DNAI1: variants seen among roughly 807,000 people sequenced by gnomAD.
DNAI1 encodes the protein dynein axonemal intermediate chain 1.
DNAI1 carries 67 observed loss-of-function variants against 92.0 expected under a neutral mutation model. The ratio of observed to expected loss-of-function variants is 0.73; its 90% confidence interval spans 0.60 to 0.89. The LOEUF is 0.89. Ranked by LOEUF, DNAI1 falls within the 40% of genes least tolerant of loss-of-function variation. The pLI is 0.00. For synonymous variants in DNAI1, 323 were observed against 319.6 expected (o/e 1.01, Z -0.11); for missense variants, 839 against 866.6 (o/e 0.97, Z 0.40).
At chr9:34,460,699 G>C (rs112272737) in intron 1 of DNAI1, among the ~76,000 whole-genome samples, 1 of 151,980 alleles carries the variant, frequency 6.6e-6, no homozygotes, top group South Asian at 2.1e-4. Flanking sequence ...TTTCACTCTT[G>C]TCACCCAGGG....
chr9:34,509,222 G>A (rs780285711), intron 13 of DNAI1, among the ~76,000 whole-genome samples: 2 of 152,140 alleles, frequency 1.3e-5, no homozygotes, highest in African/African-American at 4.8e-5. Context: ...CAACACCTGA[G>A]CTGGATTGTG....
chr9:34,500,872 CCT>C, intron 11 of DNAI1, 33 bp downstream of exon 11: 1 of 1,549,740 alleles, frequency 6.5e-7, no homozygotes, highest in Non-Finnish European at 8.9e-7. Context: ...ATGCAGAGCC[CCT>C]GAGTGCCCTC....
intron 6 of DNAI1, 32 bp downstream of exon 6, chr9:34,490,156 C>G: frequency 2.5e-6 from 4 of 1,613,654 alleles, no homozygotes; most frequent in Non-Finnish European, 3.4e-6. Context: ...TGTCCCTCTT[C>G]TTCCAGCTCA....
At chr9:34,482,728 G>C (rs1351574860) in intron 1 of DNAI1, among the ~76,000 whole-genome samples, 1 of 152,284 alleles carries the variant, frequency 6.6e-6, no homozygotes, top group African/African-American at 2.4e-5. Flanking sequence ...CGGGGCTGCA[G>C]GTGAAGCTGC....
intron 1 of DNAI1, among the ~76,000 whole-genome samples, chr9:34,469,616 C>T (rs1246437462): frequency 3.3e-5 from 5 of 152,086 alleles, no homozygotes; most frequent in South Asian, 2.1e-4. Context: ...CTTACTCTGT[C>T]GACCAGGCTG....
In DNAI1 at chr9:34,520,758, G is replaced by A; in HGVS notation, c.*2G>A. 1 of 1,551,616 alleles carries A rather than the reference G, an allele frequency of 6.4e-7. No homozygotes were observed. On this transcript the variant is annotated 3_prime_UTR_variant, in exon 20 of 20. Transcript: ENST00000242317. ...AGGGAAGTGAAAATCAAGACCTGAG[G>A]GGCTGGCCTCAGTCTCTGTCCCATC...
intron 15 of DNAI1, 80 bp downstream of exon 15, chr9:34,512,504 CCTGA>C: frequency 7.4e-7 from 1 of 1,356,912 alleles, no homozygotes; most frequent in Non-Finnish European, 1.0e-6. Flanking sequence ...TGGTCCTTCC[CCTGA>C]CTGAGTGCTC....
At chr9:34,469,109 C>G (rs1588088692) in intron 1 of DNAI1, among the ~76,000 whole-genome samples, 1 of 152,194 alleles carries the variant, frequency 6.6e-6, no homozygotes, top group East Asian at 1.9e-4. Context: ...ACATCTAGGT[C>G]TTTTATAGTC....
At chr9:34,515,271 G>A (rs562974178) in intron 18 of DNAI1, among the ~76,000 whole-genome samples, 1 of 152,194 alleles carries the variant, frequency 6.6e-6, no homozygotes, top group Non-Finnish European at 1.5e-5. Flanking sequence ...TATGGACTTT[G>A]ATATAAACTG....
At chr9:34,472,036 G>T (rs552082492) in intron 1 of DNAI1, among the ~76,000 whole-genome samples, 5 of 152,240 alleles carry the variant, frequency 3.3e-5, no homozygotes, top group African/African-American at 1.2e-4. Flanking sequence ...GATTTCTTGG[G>T]ATCTGGAAAA....
At chr9:34,464,768 T>C (rs1484136517) in intron 1 of DNAI1, among the ~76,000 whole-genome samples, 2 of 152,180 alleles carry the variant, frequency 1.3e-5, no homozygotes, top group Non-Finnish European at 2.9e-5. Flanking sequence ...TCAGAAGCTC[T>C]TGATGAATGT....
rs1363336764 is a variant in DNAI1 at position 34,506,799 on chromosome 9, C to G, written c.1236C>G (p.Asn412Lys). The G allele has an allele frequency of 3.1e-6, 5 of 1,614,170 alleles. No individual in the cohort carries two copies. Among genetic ancestry groups the G allele is most frequent in the Non-Finnish European group, 4.2e-6 (5 of 1,180,040 alleles). ...GHYDGNVAIY[N>K]LKKPHSQPSF... is the part of the protein sequence containing the mutation. Reference sequence around the variant, plus strand: ...ATGACGGCAACGTGGCCATTTACAACCTCAAGAAGCCCCACTCCCAGCCCT... The same window carrying G: ...ATGACGGCAACGTGGCCATTTACAAGCTCAAGAAGCCCCACTCCCAGCCCT... The change falls in exon 13 of 20, where the codon AAC (asparagine) becomes AAG (lysine). Residue 412 changes from asparagine (N) to lysine (K), a missense_variant. Transcript: ENST00000242317.
rs139875472 is a variant in DNAI1, at chr9:34,470,778, G to A, written c.48+11725G>A. ...TCAAGAACAGTAGAATGAAAACTAC[G>A]CCCAAGAACTGCAGAATTTTCACAA... On this transcript the variant is annotated intron_variant, in intron 1 of 19. Coordinates refer to ENST00000242317, the MANE Select transcript of DNAI1 (RefSeq NM_012144.4). 2.8e-3 allele frequency among the ~76,000 whole-genome samples: 429 copies of A among 152,230 alleles called. 1 individual carries two copies. Among genetic ancestry groups the A allele is most frequent in the Middle Eastern group, 0.01 (3 of 294 alleles).
At chr9:34,478,798 A>G (rs1021273386) in intron 1 of DNAI1, 4 of 152,252 alleles carry the variant, frequency 2.6e-5, no homozygotes, top group Non-Finnish European at 5.9e-5. Flanking sequence ...GGTCAATAGC[A>G]TAAGAACGCC....
intron 12 of DNAI1, 43 bp from the exon 13 acceptor site, chr9:34,506,584 C>A (rs1372916630): frequency 1.2e-6 from 2 of 1,613,348 alleles, no homozygotes; most frequent in Non-Finnish European, 1.7e-6. Context: ...CCAGGCAGGG[C>A]AGTTGGATCC....
intron 13 of DNAI1, 76 bp downstream of exon 13, chr9:34,506,950 TG>T: frequency 6.4e-7 from 1 of 1,566,502 alleles, no homozygotes. Flanking sequence ...GGAGGGAGCT[TG>T]GGGAGGAGAG....
intron 1 of DNAI1, among the ~76,000 whole-genome samples, chr9:34,481,174 C>CAGAG (rs1323069019): frequency 3.3e-5 from 5 of 151,526 alleles, no homozygotes; most frequent in Non-Finnish European, 5.9e-5. Flanking sequence ...AACCAGAAGG[C>CAGAG]AGAGGTTGCA....
rs781530640 is a variant in DNAI1 at position 34,517,391 on chromosome 9, C to G, written c.1925C>G (p.Pro642Arg). The change falls in exon 19 of 20, where the codon CCC (proline) becomes CGC (arginine). Residue 642 changes from proline to arginine, a missense_variant. By Grantham distance (103) the Pro-to-Arg change is moderately radical. Transcript: ENST00000242317. Reference protein sequence around the residue: ...LTHVQFNLIHPIIIVGDDRGH... With the variant: ...LTHVQFNLIHRIIIVGDDRGH... ...CACGTGCAGTTCAATCTCATCCACC[C>G]CATCATCATTGTGGGCGATGACCGT... 22 of 1,614,178 alleles carry G rather than the reference C, an allele frequency of 1.4e-5. No individual in the cohort carries two copies. Among genetic ancestry groups the G allele is most frequent in the East Asian group, 2.2e-5 (1 of 44,874 alleles).
At position 34,513,250 on chromosome 9, in the gene DNAI1, C is replaced by T. The variant is rs553997532; in HGVS notation, c.1569+59C>T. 3.8e-6 allele frequency: 5 copies of T among 1,323,222 alleles called. No individual in the cohort carries two copies. In the African/African-American group the frequency reaches 7.2e-5, roughly 19 times the overall value. 82.0% of individuals were successfully genotyped at this position (1,323,222 alleles called of 1,614,324 possible). A position where few individuals can be genotyped will look rare whatever the true frequency, so the allele number is the denominator to read the frequency against. Reference sequence around the variant, plus strand: ...CGCTTAGACCTGAGCACCTGGGGAGCTTAGAGTTCTCAACAGATCCTATTT... The same window carrying T: ...CGCTTAGACCTGAGCACCTGGGGAGTTTAGAGTTCTCAACAGATCCTATTT... On this transcript the variant is annotated intron_variant, in intron 16 of 19. Coordinates refer to ENST00000242317, the MANE Select transcript of DNAI1 (RefSeq NM_012144.4).
Sources: allele counts gnomAD v4.1 joint callset (sites outside exome capture counted in the v4.1 genomes callset), GRCh38; gene constraint gnomAD v4.1.1; transcripts MANE v1.5; gene names NCBI Gene and HGNC (gene_info 2026-07-23, HGNC 2026-07-21).